Variants in BBX observed in about 807,000 individuals in gnomAD.
The protein encoded by BBX is BBX high mobility group box domain containing.
A neutral mutation model predicts 100.2 loss-of-function variants in BBX; 30 were observed. The observed-to-expected ratio is 0.30, with a 90% CI of 0.22 to 0.41. The LOEUF (loss-of-function observed/expected upper bound fraction) is 0.41. Among genes scored for constraint, BBX ranks in the 10% least tolerant of loss-of-function variants. The pLI is 1.00. For synonymous variants in BBX, 376 were observed against 388.1 expected (o/e 0.97, Z 0.37); for missense variants, 1,023 against 1,129.8 (o/e 0.91, Z 1.35).
chr3:107,627,626 T>C (rs148576199), intron 2 of BBX, among the ~76,000 whole-genome samples: 1 of 152,316 alleles, frequency 6.6e-6, no homozygotes, highest in African/African-American at 2.4e-5. Flanking sequence ...TATGATTGAA[T>C]ATCATTTAAA....
chr3:107,568,826 G>T (rs2051132779), intron 2 of BBX, among the ~76,000 whole-genome samples: 1 of 152,112 alleles, frequency 6.6e-6, no homozygotes, highest in African/African-American at 2.4e-5. Context: ...TTAATTTCCA[G>T]CTTCCCAAAG....
intron 8 of BBX, among the ~76,000 whole-genome samples, chr3:107,745,809 C>A (rs748623768): frequency 3.3e-5 from 5 of 152,052 alleles, no homozygotes; most frequent in Non-Finnish European, 7.4e-5. Flanking sequence ...TTGGTCCCAA[C>A]TTTGAAAGCA....
chr3:107,676,122 TA>T (rs931510298), intron 3 of BBX, among the ~76,000 whole-genome samples: 12 of 151,964 alleles, frequency 7.9e-5, no homozygotes, highest in Admixed American at 5.9e-4. Flanking sequence ...TAGAAGCTTT[TA>T]AAAAAAATTA....
intron 13 of BBX, among the ~76,000 whole-genome samples, chr3:107,780,067 G>A (rs1294619212): frequency 6.6e-6 from 1 of 152,190 alleles, no homozygotes; most frequent in East Asian, 1.9e-4. Context: ...AATAAAGTAG[G>A]CTTGTTGACA....
At chr3:107,798,196 A>G (rs1471759683) in intron 15 of BBX, among the ~76,000 whole-genome samples, 2 of 152,222 alleles carry the variant, frequency 1.3e-5, no homozygotes. Context: ...CCTGATCACA[A>G]CTAGGACATA....
At chr3:107,712,624 A>T (rs924375406) in intron 4 of BBX, among the ~76,000 whole-genome samples, 2 of 152,142 alleles carry the variant, frequency 1.3e-5, no homozygotes, top group Admixed American at 6.6e-5. Flanking sequence ...TACCACCTTG[A>T]TCCAAGCCAC....
At chr3:107,556,815 G>A (rs1161408189) in intron 2 of BBX, among the ~76,000 whole-genome samples, 1 of 152,090 alleles carries the variant, frequency 6.6e-6, no homozygotes, top group Non-Finnish European at 1.5e-5. Context: ...GGGTTTCTTA[G>A]TATTCTACTT....
intron 2 of BBX, among the ~76,000 whole-genome samples, chr3:107,591,283 C>T (rs781565800): frequency 5.9e-5 from 9 of 152,026 alleles, no homozygotes; most frequent in Non-Finnish European, 1.0e-4. Context: ...CCAATAAGCT[C>T]CTTAACATTC....
intron 7 of BBX, among the ~76,000 whole-genome samples, chr3:107,737,366 G>A (rs1308026621): frequency 4.6e-5 from 7 of 151,532 alleles, no homozygotes; most frequent in East Asian, 1.9e-4. Flanking sequence ...AGAAATTACC[G>A]TTGTAATTTA....
At position 107,649,293 on chromosome 3, in the gene BBX, C is replaced by A. The variant is rs1013030930; in HGVS notation, c.-10+3384C>A. Among the ~76,000 whole-genome samples, 3 of 152,112 alleles carry A rather than the reference C, an allele frequency of 2.0e-5. No homozygotes were observed. In the South Asian group the frequency reaches 6.2e-4, roughly 32 times the overall value. ...ACACAGAGCCAAACTATATCAACATCTGCATATCTTAAAAAAAAATAAGGT... is the reference window on the plus strand; with the variant it reads ...ACACAGAGCCAAACTATATCAACATATGCATATCTTAAAAAAAAATAAGGT... On this transcript the variant is annotated intron_variant, in intron 3 of 17. Transcript: ENST00000325805.
At chr3:107,625,725 T>C (rs1393651813) in intron 2 of BBX, among the ~76,000 whole-genome samples, 1 of 152,222 alleles carries the variant, frequency 6.6e-6, no homozygotes, top group Non-Finnish European at 1.5e-5. Flanking sequence ...TAAATGCTTA[T>C]AGTCTGTATA....
chr3:107,642,078 T>A (rs1312603363), intron 2 of BBX, among the ~76,000 whole-genome samples: 1 of 152,198 alleles, frequency 6.6e-6, no homozygotes, highest in African/African-American at 2.4e-5. Flanking sequence ...ACCTGAGGCA[T>A]GGAATTAATT....
chr3:107,754,837 CCTT>C (rs1161178224), intron 9 of BBX, among the ~76,000 whole-genome samples: 2 of 152,190 alleles, frequency 1.3e-5, no homozygotes, highest in African/African-American at 4.8e-5. Flanking sequence ...GAATGTATGT[CCTT>C]CTCAGCTCTT....
At position 107,552,953 on chromosome 3, in the gene BBX, T is replaced by A. The variant is rs560751060; in HGVS notation, c.-84+26555T>A. 5.3e-5 allele frequency among the ~76,000 whole-genome samples: 8 copies of A among 152,346 alleles called. 1 individual carries two copies. The highest frequency in any genetic ancestry group is 1.9e-4 in the African/African-American group (8 of 41,582). On this transcript the variant is annotated intron_variant, in intron 2 of 17. Transcript: ENST00000325805. ...CATTTTTGCTGAGGTAGTGAAGACC[T>A]AATTTTACCCACCCTTTAAATGCTA...
intron 2 of BBX, among the ~76,000 whole-genome samples, chr3:107,630,824 A>G (rs2056501820): frequency 6.6e-6 from 1 of 152,146 alleles, no homozygotes; most frequent in Admixed American, 6.6e-5. Flanking sequence ...GAAATACTCA[A>G]CAGTGTCAGT....
intron 3 of BBX, among the ~76,000 whole-genome samples, chr3:107,688,344 C>T (rs368392375): frequency 6.6e-6 from 1 of 152,224 alleles, no homozygotes; most frequent in Admixed American, 6.5e-5. Flanking sequence ...TTTTCAGACT[C>T]TTTTCAATGT....
intron 3 of BBX, among the ~76,000 whole-genome samples, chr3:107,688,326 A>G (rs1409124689): frequency 6.6e-6 from 1 of 152,214 alleles, no homozygotes; most frequent in African/African-American, 2.4e-5. Flanking sequence ...CAAATAACTG[A>G]ACAGTTCTTT....
intron 2 of BBX, among the ~76,000 whole-genome samples, chr3:107,530,086 G>T (rs2048055156): frequency 6.6e-6 from 1 of 152,168 alleles, no homozygotes; most frequent in East Asian, 1.9e-4. Flanking sequence ...TAATGAGAAG[G>T]TTTGTATAAA....
chr3:107,717,729 C>T lies in BBX; in HGVS notation c.405+880C>T, dbSNP rs1188965534. ...CAAAAGTTGTATCATGGTTCTTTTA[C>T]TATATTTGGAATTAATGTGAGACCA... On this transcript the variant is annotated intron_variant, in intron 5 of 17. Transcript: ENST00000325805. Among the ~76,000 whole-genome samples the T allele has an allele frequency of 1.3e-5, 2 of 152,078 alleles. 1 individual carries two copies. Among genetic ancestry groups the T allele is most frequent in the Admixed American group, 1.3e-4 (2 of 15,236 alleles).
Sources: gnomAD v4.1 joint callset for allele counts (sites outside exome capture counted in the v4.1 genomes callset) on GRCh38, gnomAD v4.1.1 for gene constraint, MANE v1.5 for transcripts, NCBI Gene and HGNC (gene_info 2026-07-23, HGNC 2026-07-21) for gene names.